Variants in PAK5 observed in about 807,000 individuals in gnomAD.
PAK5 encodes serine/threonine-protein kinase PAK 5.
PAK5 carries 16 observed loss-of-function variants against 65.9 expected under a neutral mutation model. The ratio of observed to expected loss-of-function variants is 0.24; its 90% confidence interval spans 0.16 to 0.37. PAK5 has a LOEUF of 0.37. Among genes scored for constraint, PAK5 ranks in the 10% least tolerant of loss-of-function variants. The pLI is 1.00. For synonymous variants in PAK5, 371 were observed against 354.9 expected (o/e 1.05, Z -0.51); for missense variants, 785 against 903.9 (o/e 0.87, Z 1.69).
chr20:9,673,989 A>G (rs2047534797), intron 2 of PAK5, among the ~76,000 whole-genome samples: 1 of 152,232 alleles, frequency 6.6e-6, no homozygotes, highest in Non-Finnish European at 1.5e-5. Context: ...TCAGAAAACT[A>G]GGAGATTCTG....
At chr20:9,702,275 C>T (rs2047949408) in intron 2 of PAK5, among the ~76,000 whole-genome samples, 1 of 152,042 alleles carries the variant, frequency 6.6e-6, no homozygotes, top group South Asian at 2.1e-4. Flanking sequence ...CAGAAGACAG[C>T]CAATGTTTCT....
intron 1 of PAK5, among the ~76,000 whole-genome samples, chr20:9,730,373 TTATTAGTGCTAC>T (rs1402859365): frequency 1.3e-5 from 2 of 152,304 alleles, no homozygotes; most frequent in Admixed American, 1.3e-4. Context: ...ATGTTTCAAC[TTATTAGTGCTAC>T]TATACTGCTA....
At chr20:9,712,470 A>C (rs1034657697) in intron 1 of PAK5, among the ~76,000 whole-genome samples, 3 of 152,162 alleles carry the variant, frequency 2.0e-5, no homozygotes, top group African/African-American at 7.2e-5. Flanking sequence ...AATTCCAGCA[A>C]TCTTATCAAA....
chr20:9,756,369 C>T (rs1222872864), intron 1 of PAK5, among the ~76,000 whole-genome samples: 1 of 152,048 alleles, frequency 6.6e-6, no homozygotes, highest in Non-Finnish European at 1.5e-5. Context: ...TTCAGTGTAG[C>T]TCAGAGGGTA....
chr20:9,711,609 C>T (rs780898872), intron 1 of PAK5, among the ~76,000 whole-genome samples, 174 bp from the exon 2 acceptor site: 13 of 152,116 alleles, frequency 8.5e-5, no homozygotes, highest in Non-Finnish European at 1.3e-4. Flanking sequence ...ATTACCAGGA[C>T]ACCTCAGGTA....
chr20:9,603,434 G>A (rs1393726909), intron 3 of PAK5, among the ~76,000 whole-genome samples: 2 of 152,050 alleles, frequency 1.3e-5, no homozygotes, highest in Non-Finnish European at 2.9e-5. Flanking sequence ...TCCAAGTTCT[G>A]CCCTATTTAT....
At chr20:9,710,181 G>C (rs978949820) in intron 2 of PAK5, among the ~76,000 whole-genome samples, 1 of 152,054 alleles carries the variant, frequency 6.6e-6, no homozygotes, top group Non-Finnish European at 1.5e-5. Flanking sequence ...TCAGTGGCTT[G>C]AGCAACAATG....
At chr20:9,610,256 A>T (rs937262382) in intron 3 of PAK5, among the ~76,000 whole-genome samples, 1 of 152,258 alleles carries the variant, frequency 6.6e-6, no homozygotes, top group Non-Finnish European at 1.5e-5. Context: ...TATGGAAGGC[A>T]TCAAAGAAAT....
chr20:9,684,313 C>T (rs1026840279), intron 2 of PAK5, among the ~76,000 whole-genome samples: 1 of 152,132 alleles, frequency 6.6e-6, no homozygotes, highest in Admixed American at 6.5e-5. Context: ...TTCCAGGATG[C>T]ACACTGGACT....
chr20:9,745,767 C>T (rs147742615), intron 1 of PAK5, among the ~76,000 whole-genome samples: 52 of 151,852 alleles, frequency 3.4e-4, no homozygotes, highest in African/African-American at 1.2e-3. Flanking sequence ...TATGTAGTAA[C>T]GTTTTAAATG....
chr20:9,699,772 T>C (rs1442963678), intron 2 of PAK5, among the ~76,000 whole-genome samples: 1 of 151,972 alleles, frequency 6.6e-6, no homozygotes, highest in African/African-American at 2.4e-5. Flanking sequence ...TCGTGTCACA[T>C]GGGGAATCAG....
At chr20:9,556,382 A>G (rs906576044) in intron 7 of PAK5, among the ~76,000 whole-genome samples, 19 of 152,244 alleles carry the variant, frequency 1.2e-4, no homozygotes, top group African/African-American at 4.1e-4. Context: ...TTTTTAAAAC[A>G]ACAAGAAAGA....
chr20:9,588,995 G>A (rs139926430), intron 3 of PAK5, among the ~76,000 whole-genome samples: 337 of 152,286 alleles, frequency 2.2e-3, no homozygotes, highest in African/African-American at 7.8e-3. Flanking sequence ...GAAAAGAGAT[G>A]AAAAAGTGCC....
chr20:9,799,939 C>CA (rs71331383), intron 1 of PAK5, among the ~76,000 whole-genome samples: 17,614 of 43,376 alleles, frequency 0.41, 5,440 homozygotes, highest in Non-Finnish European at 0.55. Flanking sequence ...ACTCTGTCTC[C>CA]AAAAAAAAAA....
chr20:9,638,747 T>C (rs1213065678), intron 3 of PAK5, among the ~76,000 whole-genome samples: 1 of 152,054 alleles, frequency 6.6e-6, no homozygotes, highest in African/African-American at 2.4e-5. Flanking sequence ...CTGGTAAGCG[T>C]GACAATGGGT....
chr20:9,612,979 G>T (rs562743416), intron 3 of PAK5, among the ~76,000 whole-genome samples: 3 of 152,142 alleles, frequency 2.0e-5, no homozygotes, highest in Admixed American at 6.5e-5. Flanking sequence ...GAACAGACAT[G>T]ATGAAAAATT....
chr20:9,648,645 AGAG>A (rs2047165301), intron 2 of PAK5, among the ~76,000 whole-genome samples: 2 of 152,228 alleles, frequency 1.3e-5, no homozygotes, highest in South Asian at 4.1e-4. Flanking sequence ...TCTTTTCTGC[AGAG>A]GAGGTGTTAT....
At position 9,658,843 on chromosome 20, in the gene PAK5, C is replaced by T. The variant is rs900773262; in HGVS notation, c.-11-14504G>A. Among the ~76,000 whole-genome samples, 5 of 152,092 alleles carry T rather than the reference C, an allele frequency of 3.3e-5. No homozygotes were observed. In the South Asian group the frequency reaches 1.0e-3, roughly 32 times the overall value. ...GATGAGCACAATTGGCTCTCACAAGCTCATGTGAGCCAGCTCCAGATACAC... is the reference window on the plus strand; with the variant it reads ...GATGAGCACAATTGGCTCTCACAAGTTCATGTGAGCCAGCTCCAGATACAC... On this transcript the variant is annotated intron_variant, in intron 2 of 9. Transcript: ENST00000353224.
At chr20:9,695,298 T>C (rs965959639) in intron 2 of PAK5, among the ~76,000 whole-genome samples, 1 of 152,096 alleles carries the variant, frequency 6.6e-6, no homozygotes, top group African/African-American at 2.4e-5. Context: ...ACTGAAATGT[T>C]TTCTTCCACT....
Sources: gnomAD v4.1 joint callset for allele counts (sites outside exome capture counted in the v4.1 genomes callset) on GRCh38, gnomAD v4.1.1 for gene constraint, MANE v1.5 for transcripts, NCBI Gene and HGNC (gene_info 2026-07-23, HGNC 2026-07-21) for gene names.